Variants in CLIC4 observed in about 807,000 individuals in gnomAD.
CLIC4 encodes chloride intracellular channel protein 4.
Under a neutral mutation model 24.6 loss-of-function variants are expected in CLIC4, and 13 were observed. The ratio of observed to expected loss-of-function variants is 0.53; its 90% CI spans 0.34 to 0.84. CLIC4 has a LOEUF of 0.84. Among genes scored for constraint, CLIC4 ranks in the 40% least tolerant of loss-of-function variants. The probability of loss-of-function intolerance (pLI) is 0.01; values close to 1 mark genes in which losing one functional copy is unlikely to be tolerated. For missense variants in CLIC4, 227 were observed against 301.7 expected (o/e 0.75, Z 1.83); for synonymous variants, 104 against 111.3 (o/e 0.93, Z 0.41).
intron 1 of CLIC4, among the ~76,000 whole-genome samples, chr1:24,791,905 C>A (rs1639343886): frequency 6.7e-6 from 1 of 148,666 alleles, no homozygotes; most frequent in African/African-American, 2.5e-5. Context: ...ATAAATAAGC[C>A]AGCCATGGTG....
intron 1 of CLIC4, among the ~76,000 whole-genome samples, chr1:24,784,873 G>A (rs972891918): frequency 6.6e-6 from 1 of 151,896 alleles, no homozygotes; most frequent in Non-Finnish European, 1.5e-5. Context: ...GCATGGTGGC[G>A]TGCATCTGTA....
intron 1 of CLIC4, among the ~76,000 whole-genome samples, chr1:24,773,591 C>CTTT (rs61367134): frequency 3.1e-4 from 23 of 74,006 alleles, no homozygotes; most frequent in Middle Eastern, 8.5e-3. Context: ...TGAGATGCAC[C>CTTT]TTTTTTTTTT....
At chr1:24,784,292 A>T (rs932495307) in intron 1 of CLIC4, among the ~76,000 whole-genome samples, 12 of 152,180 alleles carry the variant, frequency 7.9e-5, no homozygotes, top group African/African-American at 2.9e-4. Context: ...TCTCCCAACT[A>T]TCCAATGAGG....
chr1:24,756,340 A>G lies in CLIC4; in HGVS notation c.72+10715A>G, dbSNP rs112354189. On this transcript the variant is annotated intron_variant, in intron 1 of 5. Coordinates refer to ENST00000374379, the MANE Select transcript of CLIC4 (RefSeq NM_013943.3). ...AAAAGTAACTATTAGAACCAGGGCCAGGAACGGACCTGAGTTCAACATGCA... is the reference window on the plus strand; with the variant it reads ...AAAAGTAACTATTAGAACCAGGGCCGGGAACGGACCTGAGTTCAACATGCA... Among the ~76,000 whole-genome samples the G allele has an allele frequency of 4.4e-3, 671 of 152,364 alleles. 2 individuals carry two copies. The highest frequency in any genetic ancestry group is 7.8e-3 in the Non-Finnish European group (533 of 68,038).
intron 1 of CLIC4, among the ~76,000 whole-genome samples, chr1:24,747,117 T>G (rs75244790): frequency 1.4e-5 from 2 of 147,712 alleles, no homozygotes; most frequent in African/African-American, 5.2e-5. Context: ...TTTTTTTTTT[T>G]GGTCCAGGGA....
At chr1:24,783,900 A>G (rs1428935399) in intron 1 of CLIC4, among the ~76,000 whole-genome samples, 1 of 152,116 alleles carries the variant, frequency 6.6e-6, no homozygotes, top group African/African-American at 2.4e-5. Flanking sequence ...ATTTGACCCT[A>G]ACAAACAGTG....
chr1:24,831,783 C>T (rs539517531), intron 4 of CLIC4, among the ~76,000 whole-genome samples: 16 of 152,248 alleles, frequency 1.1e-4, no homozygotes, highest in Admixed American at 5.2e-4. Flanking sequence ...GGACTACAGG[C>T]GTGCACCACC....
At chr1:24,817,976 T>C (rs1639687985) in intron 3 of CLIC4, among the ~76,000 whole-genome samples, 1 of 152,192 alleles carries the variant, frequency 6.6e-6, no homozygotes. Flanking sequence ...CTGTCTTATA[T>C]GGGTGTGGTT....
intron 1 of CLIC4, among the ~76,000 whole-genome samples, chr1:24,751,607 A>G (rs528376594): frequency 6.6e-6 from 1 of 152,222 alleles, no homozygotes; most frequent in Non-Finnish European, 1.5e-5. Context: ...TTGTTTGGGT[A>G]AAACTAAATA....
At chr1:24,784,364 A>T (rs1009431230) in intron 1 of CLIC4, among the ~76,000 whole-genome samples, 1 of 152,176 alleles carries the variant, frequency 6.6e-6, no homozygotes, top group African/African-American at 2.4e-5. Context: ...TTAGGTAGGA[A>T]GTAGTGGAGT....
intron 4 of CLIC4, among the ~76,000 whole-genome samples, chr1:24,829,367 A>T (rs1003168215): frequency 6.6e-6 from 1 of 152,214 alleles, no homozygotes; most frequent in African/African-American, 2.4e-5. Flanking sequence ...TGTGAAGAAT[A>T]AAGGGAGAGA....
chr1:24,756,594 C>CT (rs1638852927), intron 1 of CLIC4, among the ~76,000 whole-genome samples: 1 of 152,086 alleles, frequency 6.6e-6, no homozygotes, highest in African/African-American at 2.4e-5. Flanking sequence ...CTTGTAATAA[C>CT]TTAAGTATTG....
chr1:24,800,347 G>T, intron 2 of CLIC4, among the ~76,000 whole-genome samples: 1 of 127,614 alleles, frequency 7.8e-6, no homozygotes, highest in Non-Finnish European at 1.7e-5. Context: ...GGGAGGTGGG[G>T]GGGTCAGCCC....
intron 4 of CLIC4, among the ~76,000 whole-genome samples, chr1:24,830,803 CG>C (rs1255667791): frequency 2.0e-5 from 3 of 152,132 alleles, no homozygotes; most frequent in African/African-American, 4.8e-5. Context: ...ATTACTACAT[CG>C]GGGTATTGGA....
At chr1:24,799,691 A>G (rs1398802341) in intron 2 of CLIC4, among the ~76,000 whole-genome samples, 2 of 112,770 alleles carry the variant, frequency 1.8e-5, no homozygotes, top group Admixed American at 8.9e-5. Flanking sequence ...CCCGTCCGGG[A>G]GGGAGGTGGG....
At chr1:24,750,910 A>T (rs1461702038) in intron 1 of CLIC4, among the ~76,000 whole-genome samples, 1 of 152,042 alleles carries the variant, frequency 6.6e-6, no homozygotes, top group Non-Finnish European at 1.5e-5. Context: ...CCTACTAGAT[A>T]GACAGTAAAT....
chr1:24,761,825 G>A (rs1247719547), intron 1 of CLIC4, among the ~76,000 whole-genome samples: 3 of 152,148 alleles, frequency 2.0e-5, no homozygotes, highest in African/African-American at 7.2e-5. Flanking sequence ...TGGAAGTGGT[G>A]TCAATAGGAG....
chr1:24,752,015 TA>T (rs1638783493), intron 1 of CLIC4, among the ~76,000 whole-genome samples: 1 of 152,178 alleles, frequency 6.6e-6, no homozygotes, highest in South Asian at 2.1e-4. Context: ...GTGGTGTTTG[TA>T]AAAAGTTAAT....
intron 2 of CLIC4, among the ~76,000 whole-genome samples, chr1:24,806,986 T>G (rs1639557191): frequency 6.6e-6 from 1 of 152,274 alleles, no homozygotes; most frequent in South Asian, 2.1e-4. Context: ...GCTAGTTTTC[T>G]CCCTCTCCCA....
Sources: gnomAD v4.1 joint callset for allele counts (sites outside exome capture counted in the v4.1 genomes callset) on GRCh38, gnomAD v4.1.1 for gene constraint, MANE v1.5 for transcripts, NCBI Gene and HGNC (gene_info 2026-07-23, HGNC 2026-07-21) for gene names.